CAD: variants seen among roughly 807,000 people sequenced by gnomAD.
CAD encodes multifunctional protein CAD.
Under a neutral mutation model 237.2 loss-of-function variants are expected in CAD, and 81 were observed. That is an observed-to-expected ratio of 0.34 (90% confidence interval 0.29 to 0.41). The LOEUF is 0.41. Among genes scored for constraint, CAD ranks in the 10% least tolerant of loss-of-function variants. CAD has a pLI of 1.00. For missense variants in CAD, 2,181 were observed against 2,951.7 expected (o/e 0.74, Z 6.05); for synonymous variants, 1,196 against 1,162.8 (o/e 1.03, Z -0.58).
chr2:27,232,379 G>T lies in CAD; in HGVS notation c.2646-69G>T. The T allele has an allele frequency of 6.3e-7, 1 of 1,598,204 alleles. No individual in the cohort carries two copies. Among genetic ancestry groups the T allele is most frequent in the Non-Finnish European group, 8.5e-7 (1 of 1,171,280 alleles). On this transcript the variant is annotated intron_variant, in intron 17 of 43. Transcript: ENST00000264705. This position sits in a 1 kb window ranked among gnomAD's most constrained non-coding sequence, Gnocchi z 4.1. ...ATATTTCCTCTCATCTGTGCCCTGG[G>T]GTCTCAACCCTCTATCAGTCTGTAC... is the stretch of plus-strand genomic sequence containing the variant.
intron 31 of CAD, 114 bp downstream of exon 31, chr2:27,238,746 C>G: frequency 1.0e-6 from 1 of 974,014 alleles, no homozygotes. Context: ...GGTCTTGATC[C>G]GTATGGGACC....
At chr2:27,243,077 A>T in intron 42 of CAD, 104 bp downstream of exon 42, 2 of 1,329,108 alleles carry the variant, frequency 1.5e-6, no homozygotes, top group Non-Finnish European at 2.1e-6. Context: ...GTTAAACTTC[A>T]CATCTGTCAA....
rs920647829 is a variant in CAD at position 27,241,841 on chromosome 2, G to A, written c.5884-70G>A. The A allele has an allele frequency of 7.8e-7, 1 of 1,278,722 alleles. No homozygotes were observed. The highest frequency in any genetic ancestry group is 1.9e-4 in the Middle Eastern group (1 of 5,358). 79.2% of individuals were successfully genotyped at this position (1,278,722 alleles called of 1,614,324 possible). Reference sequence around the variant, plus strand: ...CACCCCTCAAGTGTCAGTTGGGGTGGTGGTGCCTAGCTGGGGTTTCCCCAG... The same window carrying A: ...CACCCCTCAAGTGTCAGTTGGGGTGATGGTGCCTAGCTGGGGTTTCCCCAG... On this transcript the variant is annotated intron_variant, in intron 38 of 43. Transcript: ENST00000264705. This position sits in a 1 kb window ranked among gnomAD's most constrained non-coding sequence, Gnocchi z 4.6.
rs779167640 is a variant in CAD at position 27,236,424 on chromosome 2, C to T, written c.4215C>T (p.Leu1405=). The T allele has an allele frequency of 6.2e-7, 1 of 1,614,200 alleles. No individual in the cohort carries two copies. The highest frequency in any genetic ancestry group is 8.5e-7 in the Non-Finnish European group (1 of 1,180,038). ...TGCGTGGAGCTGGGGGCCGGCGTCT[C>T]TCTTCCTTTGTCACCAAGGGCTACC... is the stretch of plus-strand genomic sequence containing the variant. ...LSMRGAGGRR[L]SSFVTKGYRT... is the part of the protein sequence containing the mutation. Residue 1405 remains leucine (L), a synonymous_variant, in exon 26 of 44, where the codon CTC becomes CTT. Transcript: ENST00000264705. This position sits in a 1 kb window ranked among gnomAD's most constrained non-coding sequence, Gnocchi z 4.1.
rs147103288 is a variant in CAD at position 27,222,308 on chromosome 2, G to A, written c.467G>A (p.Arg156His). The change falls in exon 4 of 44, where the codon CGC becomes CAC. Residue 156 changes from arginine to histidine, a missense_variant. Arg to His is a conservative substitution (Grantham distance 29). Coordinates refer to ENST00000264705, the MANE Select transcript of CAD (RefSeq NM_004341.5). ...SSLPFLDPNARPLVPEVSIKT... is the reference protein window; with the variant it reads ...SSLPFLDPNAHPLVPEVSIKT... The stretch of plus-strand genomic sequence containing the variant: ...CTGCCATTCTTGGACCCCAATGCCC[G>A]CCCCCTGGTACCAGAGGTCTCCATT... 149 of 1,612,638 alleles carry A rather than the reference G, an allele frequency of 9.2e-5. No homozygotes were observed. The highest frequency in any genetic ancestry group is 1.1e-4 in the Non-Finnish European group (134 of 1,178,970).
Position 27,217,936 on chromosome 2 carries a change from C to T in CAD, c.142C>T (p.Gln48Ter). The T allele has an allele frequency of 6.2e-7, 1 of 1,613,398 alleles. No homozygotes were observed. The highest frequency in any genetic ancestry group is 8.5e-7 in the Non-Finnish European group (1 of 1,179,542). The change falls in exon 2 of 44, where the codon CAG (glutamine) becomes TAG (stop). Residue 48 changes from glutamine (Q) to a stop codon, truncating the protein, a stop_gained. Coordinates refer to ENST00000264705, the MANE Select transcript of CAD (RefSeq NM_004341.5). LOFTEE classifies it high-confidence loss of function. Reference sequence around the variant, plus strand: ...CCTCACTGATCCCTCCTACAAGGCACAGATCTTAGTGCTCACCTATCCTCT... The same window carrying T: ...CCTCACTGATCCCTCCTACAAGGCATAGATCTTAGTGCTCACCTATCCTCT... ...EALTDPSYKA[Q>*]ILVLTYPLIG... is the part of the protein sequence containing the mutation.
In CAD at chr2:27,242,050, C is replaced by T. The variant is rs1393122122; in HGVS notation, c.6023C>T (p.Ala2008Val). The T allele has an allele frequency of 6.2e-7, 1 of 1,613,282 alleles. No homozygotes were observed. Among genetic ancestry groups the T allele is most frequent in the Non-Finnish European group, 8.5e-7 (1 of 1,180,050 alleles). ...TCCGTCCAGAAGGGCGAATCCCTGGCTGACTCCGTGCAGACCATGAGCTGC... is the reference window on the plus strand; with the variant it reads ...TCCGTCCAGAAGGGCGAATCCCTGGTTGACTCCGTGCAGACCATGAGCTGC... Reference protein sequence around the residue: ...TSSVQKGESLADSVQTMSCYA... With the variant: ...TSSVQKGESLVDSVQTMSCYA... The change falls in exon 39 of 44, where the codon GCT becomes GTT. Residue 2008 changes from alanine to valine, a missense_variant. Coordinates refer to ENST00000264705, the MANE Select transcript of CAD (RefSeq NM_004341.5). This position sits in a 1 kb window ranked among gnomAD's most constrained non-coding sequence, Gnocchi z 6.4.
At position 27,232,411 on chromosome 2, in the gene CAD, C is replaced by G; in HGVS notation, c.2646-37C>G. 6.2e-7 allele frequency: 1 copy of G among 1,612,978 alleles called. No individual in the cohort carries two copies. Among genetic ancestry groups the G allele is most frequent in the Non-Finnish European group, 8.5e-7 (1 of 1,179,572 alleles). ...ACCCTCTATCAGTCTGTACCCTACT[C>G]TCTGGGCCTGTGTTTCAGACCCTTT... On this transcript the variant is annotated intron_variant, in intron 17 of 43. Coordinates refer to ENST00000264705, the MANE Select transcript of CAD (RefSeq NM_004341.5). This position sits in a 1 kb window ranked among gnomAD's most constrained non-coding sequence, Gnocchi z 4.1.
intron 15 of CAD, among the ~76,000 whole-genome samples, chr2:27,229,655 A>G (rs1002513755): frequency 6.6e-6 from 1 of 151,988 alleles, no homozygotes; most frequent in African/African-American, 2.4e-5. Flanking sequence ...AGGTGGGCAT[A>G]TCATGAGGTC....
chr2:27,225,996 C>A, intron 12 of CAD, 70 bp downstream of exon 12: 1 of 1,537,664 alleles, frequency 6.5e-7, no homozygotes, highest in Non-Finnish European at 9.0e-7. Flanking sequence ...GAGGCCCAGG[C>A]CAAGGTCTTT....
rs766781408 is a variant in CAD, at chr2:27,235,343, C to T, written c.3885C>T (p.Arg1295=). The change falls in exon 24 of 44, where the codon CGC becomes CGT. Residue 1295 remains arginine (R), a synonymous_variant. Coordinates refer to ENST00000264705, the MANE Select transcript of CAD (RefSeq NM_004341.5). The surrounding 1 kb of genome is among the most constrained non-coding windows in gnomAD (Gnocchi z 5.2). ...TGEVAGFGES[R]CEAYLKAMLS... ...AGGTGGCCGGCTTTGGGGAGAGCCG[C>T]TGTGAGGCATACCTCAAGGCCATGC... The T allele has an allele frequency of 1.4e-5, 23 of 1,613,996 alleles. No individual in the cohort carries two copies. The highest frequency in any genetic ancestry group is 1.9e-5 in the Non-Finnish European group (22 of 1,180,016).
chr2:27,236,679 G>T lies in CAD; in HGVS notation c.4315-70G>T, dbSNP rs949914846. ...AGAGTGTGCAGAGCCTGGTTTATGG[G>T]AAAACCACATCTCTCCCTACAACTC... On this transcript the variant is annotated intron_variant, in intron 26 of 43. Transcript: ENST00000264705. The surrounding 1 kb of genome is among the most constrained non-coding windows in gnomAD (Gnocchi z 4.1). 1.2e-5 allele frequency: 18 copies of T among 1,565,134 alleles called. No homozygotes were observed. The highest frequency in any genetic ancestry group is 5.0e-5 in the Admixed American group (3 of 59,896).
rs1332125780 is a variant in CAD at position 27,243,437 on chromosome 2, C to A, written c.6597C>A (p.Pro2199=). ...GCAGCGTGGAAGTGGACTCGGATCC[C>A]CGCGCAGCCTACTTCCGCCAGGCTG... is the stretch of plus-strand genomic sequence containing the variant. The part of the protein sequence containing the change: ...NEISVEVDSD[P]RAAYFRQAEN... Residue 2199 remains proline (P), a synonymous_variant, in exon 44 of 44, where the codon CCC becomes CCA. Transcript: ENST00000264705. 2 of 1,608,116 alleles carry A rather than the reference C, an allele frequency of 1.2e-6. No individual in the cohort carries two copies. The highest frequency in any genetic ancestry group is 1.7e-4 in the Middle Eastern group (1 of 5,894).
rs1675820523 is a variant in CAD at position 27,232,757 on chromosome 2, G to A, written c.2892+63G>A. On this transcript the variant is annotated intron_variant, in intron 18 of 43. Coordinates refer to ENST00000264705, the MANE Select transcript of CAD (RefSeq NM_004341.5). The surrounding 1 kb of genome is among the most constrained non-coding windows in gnomAD (Gnocchi z 4.1). ...TCTGTTCATCTCTAGCAATTGCTTGGCACTAATCCTGGCATTTCCTATTAA... is the reference window on the plus strand; with the variant it reads ...TCTGTTCATCTCTAGCAATTGCTTGACACTAATCCTGGCATTTCCTATTAA... The A allele has an allele frequency of 1.9e-6, 3 of 1,597,084 alleles. No homozygotes were observed. The highest frequency in any genetic ancestry group is 1.7e-6 in the Non-Finnish European group (2 of 1,166,916).
In CAD at chr2:27,217,986, A is replaced by G; in HGVS notation, c.192A>G (p.Pro64=). ...TGATCGGCAACTATGGCATCCCCCC[A>G]GATGAAATGGATGAGTTCGGTCTCT... ...YPLIGNYGIP[P]DEMDEFGLCK... is the part of the protein sequence containing the mutation. Residue 64 remains proline, a synonymous_variant, in exon 2 of 44, where the codon CCA becomes CCG. Coordinates refer to ENST00000264705, the MANE Select transcript of CAD (RefSeq NM_004341.5). The G allele has an allele frequency of 1.9e-6, 3 of 1,611,556 alleles. No homozygotes were observed. The South Asian group carries it at 3.3e-5, about 18-fold the overall frequency.
rs1287337046 is a variant in CAD, at chr2:27,235,857, C to T, written c.4074+217C>T. Reference sequence around the variant, plus strand: ...CACCACTGCACTCCAGCTTGGGAAACAGTGAGATGCTGTCTCAAAAAAAAA... The same window carrying T: ...CACCACTGCACTCCAGCTTGGGAAATAGTGAGATGCTGTCTCAAAAAAAAA... On this transcript the variant is annotated intron_variant, in intron 25 of 43. Transcript: ENST00000264705. This position sits in a 1 kb window ranked among gnomAD's most constrained non-coding sequence, Gnocchi z 5.2. The T allele has an allele frequency of 5.6e-5, 27 of 482,740 alleles. No individual in the cohort carries two copies. The highest frequency in any genetic ancestry group is 8.7e-5 in the Non-Finnish European group (24 of 274,808). 29.9% of individuals were successfully genotyped at this position (482,740 alleles called of 1,614,324 possible).
intron 2 of CAD, among the ~76,000 whole-genome samples, chr2:27,219,615 A>G (rs1675056243): frequency 6.6e-6 from 1 of 150,830 alleles, no homozygotes; most frequent in South Asian, 2.1e-4. Context: ...TTTGAGGTAG[A>G]GTTTCTTTCT....
rs573433893 is a variant in CAD at position 27,226,520 on chromosome 2, T to G, written c.2032-5T>G. 5 of 1,614,086 alleles carry G rather than the reference T, an allele frequency of 3.1e-6. No individual in the cohort carries two copies. The South Asian group carries it at 4.4e-5, about 14-fold the overall frequency. On this transcript the variant is annotated splice_polypyrimidine_tract_variant and splice_region_variant and intron_variant, in intron 13 of 43. Transcript: ENST00000264705. The stretch of plus-strand genomic sequence containing the variant: ...GGCCAGTGACTTTATTCTCCTTCTT[T>G]GCAGTATTACATCATTGAAGTGAAT...
At chr2:27,227,456 A>C (rs1409573309) in intron 15 of CAD, 1 of 154,816 alleles carries the variant, frequency 6.5e-6, no homozygotes, top group East Asian at 1.9e-4. Context: ...TGTACCAGAC[A>C]CAGCGCCACC....
Sources: gnomAD v4.1 joint callset for allele counts (sites outside exome capture counted in the v4.1 genomes callset) on GRCh38, gnomAD v4.1.1 for gene constraint, Gnocchi (gnomAD v3.1) non-coding constraint, MANE v1.5 for transcripts, NCBI Gene and HGNC (gene_info 2026-07-23, HGNC 2026-07-21) for gene names.